HMOX2: variants seen among roughly 807,000 people sequenced by gnomAD.
HMOX2 encodes heme oxygenase 2.
In HMOX2, 30 loss-of-function variants were observed where a neutral mutation model predicts 33.7. The ratio of observed to expected loss-of-function variants is 0.89; its 90% CI spans 0.67 to 1.21. The LOEUF (loss-of-function observed/expected upper bound fraction) is 1.21. Among genes scored for constraint, HMOX2 ranks in the 50% most tolerant of loss-of-function variants. The pLI, the probability that HMOX2 is intolerant of heterozygous loss-of-function variation, is 0.00. For synonymous variants in HMOX2, 155 were observed against 155.0 expected, an observed-to-expected ratio of 1.00 and a Z score of 0.00; for missense variants, 403 against 399.1, an observed-to-expected ratio of 1.01 and a Z score of -0.08.
At position 4,509,476 on chromosome 16, in the gene HMOX2, C is replaced by T; in HGVS notation, c.761C>T (p.Pro254Leu). 1 of 1,614,170 alleles carries T rather than the reference C, an allele frequency of 6.2e-7. No individual in the cohort carries two copies. The highest frequency in any genetic ancestry group is 8.5e-7 in the Non-Finnish European group (1 of 1,180,014). ...AGAGAGACCTTGGAGGATGGGTTCC[C>T]TGTACACGATGGGAAAGGAGACATG... is the stretch of plus-strand genomic sequence containing the variant. Reference protein sequence around the residue: ...LARETLEDGFPVHDGKGDMRK... With the variant: ...LARETLEDGFLVHDGKGDMRK... The change falls in exon 5 of 6, where the codon CCT becomes CTT. Residue 254 changes from proline to leucine, a missense_variant. Physicochemically the swap from Pro to Leu is moderately conservative, Grantham distance 98. Transcript: ENST00000570646.
chr16:4,491,806 T>C (rs1370124620), intron 1 of HMOX2, among the ~76,000 whole-genome samples: 1 of 151,890 alleles, frequency 6.6e-6, no homozygotes, highest in Admixed American at 6.6e-5. Context: ...CCTCCCAGGT[T>C]CTGAGAAGCT....
chr16:4,483,580 T>C (rs960057119), intron 1 of HMOX2: 2 of 152,170 alleles, frequency 1.3e-5, no homozygotes, highest in African/African-American at 4.8e-5. Flanking sequence ...GCCAGGAACC[T>C]AGGGTGCAGA....
intron 1 of HMOX2, among the ~76,000 whole-genome samples, chr16:4,480,185 C>A (rs2057983192): frequency 6.8e-6 from 1 of 147,492 alleles, no homozygotes; most frequent in Non-Finnish European, 1.5e-5. Context: ...GTAACTGGGA[C>A]TACAGGCATG....
At chr16:4,496,727 G>T (rs1226793099) in intron 1 of HMOX2, 2 of 152,174 alleles carry the variant, frequency 1.3e-5, no homozygotes, top group East Asian at 3.9e-4. Context: ...CAGAGCCAGT[G>T]AGACATTGCT....
At chr16:4,504,401 C>T (rs2058636916) in intron 1 of HMOX2, among the ~76,000 whole-genome samples, 1 of 138,322 alleles carries the variant, frequency 7.2e-6, no homozygotes, top group Admixed American at 8.0e-5. Context: ...ACTCTTATTG[C>T]CCAGGCTGGA....
chr16:4,500,164 G>T (rs1231087251), intron 1 of HMOX2, among the ~76,000 whole-genome samples: 3 of 152,212 alleles, frequency 2.0e-5, no homozygotes, highest in African/African-American at 4.8e-5. Flanking sequence ...GGAAGCTGAA[G>T]CGTAATCACC....
chr16:4,507,899 G>T lies in HMOX2; in HGVS notation c.391G>T (p.Ala131Ser), dbSNP rs763959489. 2.9e-5 allele frequency: 47 copies of T among 1,614,048 alleles called. No homozygotes were observed. Among genetic ancestry groups the T allele is most frequent in the Non-Finnish European group, 3.7e-5 (44 of 1,180,036 alleles). ...WEEQVQCPKA[A>S]QKYVERIHYI... is the part of the protein sequence containing the mutation. The stretch of plus-strand genomic sequence containing the variant: ...GGAGCAGGTGCAGTGCCCCAAGGCT[G>T]CCCAGAAGTACGTGGAGCGGATCCA... The change falls in exon 4 of 6, where the codon GCC becomes TCC. Residue 131 changes from alanine (A) to serine (S), a missense_variant. Ala to Ser is a moderately conservative substitution (Grantham distance 99). Transcript: ENST00000570646.
At chr16:4,477,224 G>C (rs927932203) in intron 1 of HMOX2, among the ~76,000 whole-genome samples, 1 of 152,090 alleles carries the variant, frequency 6.6e-6, no homozygotes, top group African/African-American at 2.4e-5. Flanking sequence ...TCTGGGCCGG[G>C]TCGGTGGCTC....
intron 1 of HMOX2, among the ~76,000 whole-genome samples, chr16:4,483,037 A>G (rs1015907407): frequency 2.0e-5 from 3 of 152,040 alleles, no homozygotes; most frequent in African/African-American, 7.2e-5. Flanking sequence ...AAAAAAAAGG[A>G]TACAGATGAA....
At chr16:4,487,043 G>C (rs560212548) in intron 1 of HMOX2, among the ~76,000 whole-genome samples, 2 of 152,188 alleles carry the variant, frequency 1.3e-5, no homozygotes, top group African/African-American at 4.8e-5. Context: ...GATTGCTTGA[G>C]CCCAGGAGTT....
At chr16:4,507,283 A>G (rs774114517) in intron 3 of HMOX2, among the ~76,000 whole-genome samples, 19 of 151,976 alleles carry the variant, frequency 1.3e-4, no homozygotes, top group Non-Finnish European at 2.5e-4. Flanking sequence ...TGTCTCTACT[A>G]AGAATACAAA....
At chr16:4,486,502 G>C (rs892071026) in intron 1 of HMOX2, among the ~76,000 whole-genome samples, 15 of 152,314 alleles carry the variant, frequency 9.8e-5, no homozygotes, top group Admixed American at 6.5e-4. Flanking sequence ...TACCAATGCT[G>C]GGGATGAGGT....
intron 1 of HMOX2, among the ~76,000 whole-genome samples, chr16:4,484,481 GAC>G (rs2058115458): frequency 4.7e-5 from 6 of 128,582 alleles, no homozygotes; most frequent in Middle Eastern, 3.9e-3. Context: ...TTTTTTTTGA[GAC>G]GGAGTCTTGC....
At chr16:4,495,915 G>A (rs2058405521) in intron 1 of HMOX2, 1 of 152,164 alleles carries the variant, frequency 6.6e-6, no homozygotes. Flanking sequence ...GAGTGGTGGG[G>A]TATGCCATCC....
chr16:4,481,363 AAAG>A (rs1295254995), intron 1 of HMOX2, among the ~76,000 whole-genome samples: 9 of 151,770 alleles, frequency 5.9e-5, no homozygotes, highest in African/African-American at 1.9e-4. Flanking sequence ...AAAAAAAAAA[AAAG>A]AAAAAAATAA....
intron 4 of HMOX2, 53 bp from the exon 5 acceptor site, chr16:4,509,359 A>AAAAAAAGT: frequency 6.3e-7 from 1 of 1,577,652 alleles, no homozygotes; most frequent in African/African-American, 1.4e-5. Flanking sequence ...TTAAAAAAAA[A>AAAAAAAGT]AAAAAAGTAT....
At chr16:4,479,726 ATTTTTTTTTTTTTTTTTTT>A (rs58936845) in intron 1 of HMOX2, among the ~76,000 whole-genome samples, 7 of 79,876 alleles carry the variant, frequency 8.8e-5, no homozygotes, top group Non-Finnish European at 1.4e-4. Context: ...TTCTTATTCT[ATTTTTTTTTTTTTTTTTTT>A]TTTTTTTTTT....
chr16:4,490,708 T>C (rs886154624), intron 1 of HMOX2, among the ~76,000 whole-genome samples: 7 of 152,248 alleles, frequency 4.6e-5, no homozygotes, highest in African/African-American at 1.7e-4. Flanking sequence ...TTCTGTTTTT[T>C]TGGTGGAAAT....
rs1297643934 is a variant in HMOX2 at position 4,506,973 on chromosome 16, G to C, written c.165G>C (p.Lys55Asn). The change falls in exon 3 of 6, where the codon AAG (lysine) becomes AAC (asparagine). Residue 55 changes from lysine to asparagine, a missense_variant. By Grantham distance (94) the Lys-to-Asn change is moderately conservative (BLOSUM62 0). Transcript: ENST00000570646. ...GGGCAGAAAACACCCAGTTTGTCAA[G>C]GACTTCTTGAAAGGCAACATTAAGA... ...HDRAENTQFV[K>N]DFLKGNIKKE... 6.2e-7 allele frequency: 1 copy of C among 1,613,760 alleles called. No homozygotes were observed. Among genetic ancestry groups the C allele is most frequent in the Non-Finnish European group, 8.5e-7 (1 of 1,179,780 alleles).
Sources: gnomAD v4.1 joint callset for allele counts (sites outside exome capture counted in the v4.1 genomes callset) on GRCh38, gnomAD v4.1.1 for gene constraint, MANE v1.5 for transcripts, NCBI Gene and HGNC (gene_info 2026-07-23, HGNC 2026-07-21) for gene names.